Variants in IQSEC3 observed in about 807,000 individuals in gnomAD.
The protein encoded by IQSEC3 is IQ motif and Sec7 domain ArfGEF 3, also known as IQ motif and SEC7 domain-containing protein 3.
IQSEC3 carries 50 observed loss-of-function variants against 105.4 expected under a neutral mutation model. That is an observed-to-expected ratio of 0.47 (90% CI 0.38 to 0.60). IQSEC3 has a LOEUF of 0.60. Among genes scored for constraint, IQSEC3 ranks in the 20% least tolerant of loss-of-function variants. The pLI, the probability that IQSEC3 is intolerant of heterozygous loss-of-function variation, is 0.00. For missense variants in IQSEC3, 1,415 were observed against 1,630.0 expected (o/e 0.87, Z 2.27); for synonymous variants, 708 against 746.0 (o/e 0.95, Z 0.83).
intron 2 of IQSEC3, among the ~76,000 whole-genome samples, chr12:107,979 C>T (rs1864738339): frequency 6.6e-6 from 1 of 152,222 alleles, no homozygotes; most frequent in Admixed American, 6.5e-5. Flanking sequence ...CTTCCTCCTC[C>T]TCTTCAGAAA....
intron 3 of IQSEC3, among the ~76,000 whole-genome samples, chr12:127,217 A>T (rs2136972926): frequency 6.6e-6 from 1 of 152,310 alleles, no homozygotes; most frequent in East Asian, 1.9e-4. Flanking sequence ...AGCATCCCAG[A>T]CTTTGTAAAA....
At chr12:133,954 A>G (rs1034292192) in intron 3 of IQSEC3, among the ~76,000 whole-genome samples, 6 of 151,990 alleles carry the variant, frequency 3.9e-5, no homozygotes, top group East Asian at 1.9e-4. Context: ...GGTTCAGTGT[A>G]AAATAGGAAG....
intron 5 of IQSEC3, among the ~76,000 whole-genome samples, chr12:146,010 C>G (rs552942472): frequency 6.6e-6 from 1 of 152,314 alleles, no homozygotes; most frequent in South Asian, 2.1e-4. Context: ...CTGCTCCATC[C>G]TTTGTTAAAT....
chr12:114,053 G>T (rs1356294983), intron 2 of IQSEC3, among the ~76,000 whole-genome samples: 1 of 152,194 alleles, frequency 6.6e-6, no homozygotes, highest in East Asian at 1.9e-4. Context: ...TAACTCATCT[G>T]TAAAAGGAGC....
At chr12:140,259 A>G (rs1337286745) in intron 4 of IQSEC3, 4 of 151,806 alleles carry the variant, frequency 2.6e-5, no homozygotes, top group Admixed American at 2.0e-4. Context: ...AGCATCTGTA[A>G]TCTTCCAGCA....
intron 2 of IQSEC3, among the ~76,000 whole-genome samples, chr12:101,790 C>T (rs1262287286): frequency 2.6e-5 from 4 of 152,124 alleles, no homozygotes; most frequent in East Asian, 3.8e-4. Flanking sequence ...CAACAGTGTA[C>T]GTGTTTGCTC....
intron 5 of IQSEC3, among the ~76,000 whole-genome samples, chr12:154,117 A>G (rs1866601919): frequency 6.6e-6 from 1 of 152,070 alleles, no homozygotes; most frequent in African/African-American, 2.4e-5. Flanking sequence ...GGGTGTATTC[A>G]ACTCCCATTC....
chr12:85,938 C>G (rs984582980), intron 1 of IQSEC3, among the ~76,000 whole-genome samples: 1 of 152,184 alleles, frequency 6.6e-6, no homozygotes, highest in African/African-American at 2.4e-5. Context: ...CTCTCCAGCA[C>G]CCTTAGGAAT....
intron 8 of IQSEC3, among the ~76,000 whole-genome samples, chr12:163,015 G>A (rs369092875): frequency 2.2e-4 from 34 of 152,130 alleles, no homozygotes; most frequent in Admixed American, 3.3e-4. Context: ...TTCTCTGGCC[G>A]TGCTCCCCAA....
At chr12:107,406 T>A (rs1404419185) in intron 2 of IQSEC3, among the ~76,000 whole-genome samples, 1 of 129,560 alleles carries the variant, frequency 7.7e-6, no homozygotes, top group Admixed American at 7.6e-5. Context: ...TGTTTTCTTT[T>A]TTTTTTTTTT....
intron 5 of IQSEC3, among the ~76,000 whole-genome samples, chr12:155,787 G>C (rs1236468553): frequency 6.6e-6 from 1 of 152,202 alleles, no homozygotes; most frequent in Admixed American, 6.5e-5. Flanking sequence ...CATGGGAGCA[G>C]AGTGGGACTG....
chr12:131,430 A>AG (rs1374333896), intron 3 of IQSEC3, among the ~76,000 whole-genome samples: 1 of 152,074 alleles, frequency 6.6e-6, no homozygotes, highest in Non-Finnish European at 1.5e-5. Flanking sequence ...GGTAGACGGG[A>AG]GGGCCTCGCT....
intron 1 of IQSEC3, among the ~76,000 whole-genome samples, chr12:70,576 C>G (rs1309199629): frequency 6.6e-6 from 1 of 152,264 alleles, no homozygotes; most frequent in Non-Finnish European, 1.5e-5. Context: ...AGGCTCACGG[C>G]ATCTACAGAA....
chr12:76,220 G>A (rs1417460011), intron 1 of IQSEC3, among the ~76,000 whole-genome samples: 1 of 152,242 alleles, frequency 6.6e-6, no homozygotes, highest in African/African-American at 2.4e-5. Context: ...TATCTCTGGG[G>A]GAAAAGAGAG....
chr12:111,438 C>T (rs1433728195), intron 2 of IQSEC3, among the ~76,000 whole-genome samples: 1 of 152,156 alleles, frequency 6.6e-6, no homozygotes, highest in Non-Finnish European at 1.5e-5. Flanking sequence ...GAAGGGTTCT[C>T]TTTAGTTCCC....
chr12:101,725 T>C (rs1344807908), intron 2 of IQSEC3, among the ~76,000 whole-genome samples: 1 of 152,194 alleles, frequency 6.6e-6, no homozygotes, highest in African/African-American at 2.4e-5. Flanking sequence ...GTCTGTCTGA[T>C]GTGGCTTTCC....
At chr12:135,031 G>A (rs1354907761) in intron 3 of IQSEC3, among the ~76,000 whole-genome samples, 1 of 152,250 alleles carries the variant, frequency 6.6e-6, no homozygotes, top group African/African-American at 2.4e-5. Flanking sequence ...TCAGGAGGCT[G>A]AGGCAGGAGA....
intron 7 of IQSEC3, among the ~76,000 whole-genome samples, chr12:161,386 T>C (rs1866883851): frequency 6.6e-6 from 1 of 152,124 alleles, no homozygotes; most frequent in African/African-American, 2.4e-5. Flanking sequence ...TCGCCTGCAT[T>C]GCCAGGGGTC....
At chr12:140,245 A>G (rs1865962305) in intron 4 of IQSEC3, 1 of 151,818 alleles carries the variant, frequency 6.6e-6, no homozygotes. Context: ...CTCACCTTAC[A>G]TAAAGCATCT....
Sources: gnomAD v4.1 joint callset for allele counts (sites outside exome capture counted in the v4.1 genomes callset) on GRCh38, gnomAD v4.1.1 for gene constraint, MANE v1.5 for transcripts, NCBI Gene and HGNC (gene_info 2026-07-23, HGNC 2026-07-21) for gene names.